PRRG3: variants seen among roughly 807,000 people sequenced by gnomAD.
PRRG3 encodes the protein proline rich and Gla domain 3.
Under a neutral mutation model 15.8 loss-of-function variants are expected in PRRG3, and 21 were observed. The observed-to-expected ratio is 1.33, with a 90% CI of 0.94 to 1.92. The LOEUF is 1.92. Ranked by LOEUF, PRRG3 falls within the 40% of genes most tolerant of loss-of-function variation. The probability of loss-of-function intolerance (pLI) is 0.00; values close to 1 mark genes in which losing one functional copy is unlikely to be tolerated. For synonymous variants in PRRG3, 125 were observed against 84.1 expected, an observed-to-expected ratio of 1.49 and a Z score of -2.66; for missense variants, 251 against 200.2, an observed-to-expected ratio of 1.25 and a Z score of -1.53.
At chrX:151,697,123 CCTCCCTCT>C (rs2014778961) in intron 1 of PRRG3, among the ~76,000 whole-genome samples, 1 of 73,837 alleles carries the variant, frequency 1.4e-5, no homozygotes, top group Non-Finnish European at 3.0e-5. Context: ...TTCCTCCCTC[CCTCCCTCT>C]CTCCCTCCCT....
Position 151,704,000 on chromosome X carries a change from A to C in PRRG3, c.*2967A>C, listed in dbSNP as rs780682924. ...GACTTTGGGTATCGCGGGACTAGTT[A>C]ATTAGATGTTTTTCATTTTTCAAAA... On this transcript the variant is annotated 3_prime_UTR_variant, in exon 4 of 4. Transcript: ENST00000674457. The C allele has an allele frequency of 1.0e-5, 1 of 95,894 alleles. No homozygotes were observed. The highest frequency in any genetic ancestry group is 3.8e-5 in the African/African-American group (1 of 26,366). 7.9% of individuals were successfully genotyped at this position (95,894 alleles called of 1,213,427 possible).
Position 151,701,029 on chromosome X carries a change from A to G in PRRG3, c.692A>G (p.Lys231Arg), listed in dbSNP as rs780343980. ...GTGGCCGCCAACCCTGGCGCTGACAAGTAGTGGGACGTTTGTGCCCTGTCC... is the reference window on the plus strand; with the variant it reads ...GTGGCCGCCAACCCTGGCGCTGACAGGTAGTGGGACGTTTGTGCCCTGTCC... Reference protein sequence around the residue: ...EIVAANPGADK With the variant: ...EIVAANPGADR The change falls in exon 4 of 4, where the codon AAG becomes AGG. Residue 231 changes from lysine to arginine, a missense_variant. Transcript: ENST00000674457. The G allele has an allele frequency of 8.8e-6, 10 of 1,141,497 alleles. No individual in the cohort carries two copies. Among genetic ancestry groups the G allele is most frequent in the Non-Finnish European group, 1.0e-5 (9 of 860,538 alleles). 94.1% of individuals were successfully genotyped at this position (1,141,497 alleles called of 1,213,427 possible).
rs907512626 is a variant in PRRG3 at position 151,698,705 on chromosome X, G to A, written c.-31-79G>A. The stretch of plus-strand genomic sequence containing the variant: ...TTTTGACCACGCCAGTGGGAGGGGG[G>A]CACATCCCAGAGCCAAGAGTGTGCC... On this transcript the variant is annotated intron_variant, in intron 1 of 3. Coordinates refer to ENST00000674457, the MANE Select transcript of PRRG3 (RefSeq NM_001372163.1). 1.2e-5 allele frequency: 9 copies of A among 778,131 alleles called. No homozygotes were observed. The African/African-American group carries it at 1.2e-4, about 11-fold the overall frequency. 64.1% of individuals were successfully genotyped at this position (778,131 alleles called of 1,213,427 possible).
rs984313969 is a variant in PRRG3 at position 151,703,539 on chromosome X, G to C, written c.*2506G>C. The C allele has an allele frequency of 1.9e-5, 2 of 108,001 alleles. No individual in the cohort carries two copies. Among genetic ancestry groups the C allele is most frequent in the African/African-American group, 6.8e-5 (2 of 29,555 alleles). The allele number at this position is 108,001 out of a possible 1,213,427, so 8.9% of individuals were successfully genotyped here. On this transcript the variant is annotated 3_prime_UTR_variant, in exon 4 of 4. Coordinates refer to ENST00000674457, the MANE Select transcript of PRRG3 (RefSeq NM_001372163.1). ...TCATTGCTTATCTGAAACAATAGCC[G>C]GTGTGCAGCTATATTTGTACCAGGA...
rs1472616293 is a variant in PRRG3 at position 151,702,013 on chromosome X, G to C, written c.*980G>C. 8.9e-6 allele frequency: 1 copy of C among 112,211 alleles called. No individual in the cohort carries two copies. Among genetic ancestry groups the C allele is most frequent in the Non-Finnish European group, 1.9e-5 (1 of 53,262 alleles). The allele number at this position is 112,211 out of a possible 1,213,427, so 9.2% of individuals were successfully genotyped here. On this transcript the variant is annotated 3_prime_UTR_variant, in exon 4 of 4. Coordinates refer to ENST00000674457, the MANE Select transcript of PRRG3 (RefSeq NM_001372163.1). ...GCCTGGGGTTGAAGGCCCATATGGG[G>C]TTTGCTCTGCTGTTGCCAGGTGCCA...
upstream of PRRG3, among the ~76,000 whole-genome samples, chrX:151,694,871 C>T (rs2014728266): frequency 9.0e-6 from 1 of 111,570 alleles, no homozygotes; most frequent in Non-Finnish European, 1.9e-5. Context: ...CCTTGGGTCA[C>T]GACTGGACCA....
Position 151,700,697 on chromosome X carries a change from C to G in PRRG3, c.360C>G (p.Tyr120Ter). 8.3e-7 allele frequency: 1 copy of G among 1,210,493 alleles called. No homozygotes were observed. The highest frequency in any genetic ancestry group is 1.1e-6 in the Non-Finnish European group (1 of 894,852). ...ACCCCTCCTATGCTCAGAACCGGTA[C>G]CTAGCCAGTCGCGCCGGGCACACCC... Reference protein sequence around the residue: ...RHHPSYAQNRYLASRAGHTLP... With the variant: ...RHHPSYAQNR Residue 120 changes from tyrosine to a stop codon, truncating the protein, a stop_gained, in exon 4 of 4, where the codon TAC becomes TAG. Transcript: ENST00000674457. LOFTEE classifies it high-confidence loss of function.
rs766107857 is a variant in PRRG3 at position 151,700,239 on chromosome X, C to G, written c.168+83C>G. The G allele has an allele frequency of 1.5e-4, 179 of 1,201,307 alleles. 2 individuals carry two copies. In the South Asian group the frequency reaches 3.0e-3, roughly 20 times the overall value. Reference sequence around the variant, plus strand: ...ACAGGCCCTGGTAATGCAGACCAATCAGAAGCAAGGAAAGACACCCAGCCT... The same window carrying G: ...ACAGGCCCTGGTAATGCAGACCAATGAGAAGCAAGGAAAGACACCCAGCCT... On this transcript the variant is annotated intron_variant, in intron 3 of 3. Coordinates refer to ENST00000674457, the MANE Select transcript of PRRG3 (RefSeq NM_001372163.1).
rs1167603157 is a variant in PRRG3, at chrX:151,703,045, G to A, written c.*2012G>A. ...GAGCTCCACTGATCAGAGCCAAAGG[G>A]AGTTTGCCAAGAAATGCCCGCTGCC... On this transcript the variant is annotated 3_prime_UTR_variant, in exon 4 of 4. Coordinates refer to ENST00000674457, the MANE Select transcript of PRRG3 (RefSeq NM_001372163.1). 8.9e-6 allele frequency: 1 copy of A among 112,777 alleles called. No homozygotes were observed. The highest frequency in any genetic ancestry group is 1.9e-5 in the Non-Finnish European group (1 of 53,343). 9.3% of individuals were successfully genotyped at this position (112,777 alleles called of 1,213,427 possible).
At chrX:151,696,987 TTCTC>T (rs956506706) in intron 1 of PRRG3, among the ~76,000 whole-genome samples, 4 of 109,392 alleles carry the variant, frequency 3.7e-5, no homozygotes, top group African/African-American at 1.4e-4. Context: ...TTTTCTCTCT[TTCTC>T]TCTTTCTTTC....
In PRRG3 at chrX:151,703,915, TG is replaced by T. The variant is rs1250835452; in HGVS notation, c.*2883del. The T allele has an allele frequency of 5.0e-5, 1 of 20,013 alleles. No homozygotes were observed. The highest frequency in any genetic ancestry group is 2.4e-4 in the African/African-American group (1 of 4,171). 1.6% of individuals were successfully genotyped at this position (20,013 alleles called of 1,213,427 possible). On this transcript the variant is annotated 3_prime_UTR_variant, in exon 4 of 4. Coordinates refer to ENST00000674457, the MANE Select transcript of PRRG3 (RefSeq NM_001372163.1). ...TTTTTTTTTTTTTTTTTTTTTTTTG[TG>T]TGTGTGTGTGTGTGTGTGTGTGTGT... is the stretch of plus-strand genomic sequence containing the variant.
Position 151,701,188 on chromosome X carries a change from G to A in PRRG3, c.*155G>A. ...TGGAGTTTTAGGAAGTCAGTTGTCA[G>A]AGACAGGTGGGGAGGGTGGGGGTAG... On this transcript the variant is annotated 3_prime_UTR_variant, in exon 4 of 4. Coordinates refer to ENST00000674457, the MANE Select transcript of PRRG3 (RefSeq NM_001372163.1). 1 of 508,383 alleles carries A rather than the reference G, an allele frequency of 2.0e-6. No individual in the cohort carries two copies. The highest frequency in any genetic ancestry group is 2.9e-6 in the Non-Finnish European group (1 of 349,665). 41.9% of individuals were successfully genotyped at this position (508,383 alleles called of 1,213,427 possible).
At chrX:151,695,160 G>A (rs1195354189), upstream of PRRG3, 1 of 112,015 alleles carries the variant, frequency 8.9e-6, no homozygotes, top group Non-Finnish European at 1.9e-5. Flanking sequence ...TCGGGGCACT[G>A]CGGTCGTGGC....
chrX:151,700,506 A>G lies in PRRG3; in HGVS notation c.169A>G (p.Met57Val), dbSNP rs1330863823. 1 of 1,172,875 alleles carries G rather than the reference A, an allele frequency of 8.5e-7. No individual in the cohort carries two copies. The highest frequency in any genetic ancestry group is 2.4e-4 in the Middle Eastern group (1 of 4,188). ...TTAAGTACCACTTTTTCTTTTGCAG[A>G]TGGAGTTCTGGAAAGGGTACCCAAA... is the stretch of plus-strand genomic sequence containing the variant. ...KEVFENKEKTMEFWKGYPNAV... is the reference protein window; with the variant it reads ...KEVFENKEKTVEFWKGYPNAV... The change falls in exon 4 of 4, where the codon ATG becomes GTG. Residue 57 changes from methionine to valine, a missense_variant and splice_region_variant. Coordinates refer to ENST00000674457, the MANE Select transcript of PRRG3 (RefSeq NM_001372163.1).
intron 1 of PRRG3, among the ~76,000 whole-genome samples, 151 bp downstream of exon 1, chrX:151,695,695 G>C (rs2014747831): frequency 9.0e-6 from 1 of 111,285 alleles, no homozygotes; most frequent in Non-Finnish European, 1.9e-5. Flanking sequence ...TCCGGGAGAA[G>C]AGTGTTGCTG....
Position 151,700,838 on chromosome X carries a change from C to A in PRRG3, c.501C>A (p.Thr167=). 8.3e-7 allele frequency: 1 copy of A among 1,197,848 alleles called. No homozygotes were observed. Among genetic ancestry groups the A allele is most frequent in the Non-Finnish European group, 1.1e-6 (1 of 886,820 alleles). ...VVLGPSRGGR[T]TVRLESTLYL... is the part of the protein sequence containing the mutation. ...TGGGGCCCAGTCGGGGGGGCAGGAC[C>A]ACAGTCCGGCTAGAGAGCACCCTCT... Residue 167 remains threonine, a synonymous_variant, in exon 4 of 4, where the codon ACC becomes ACA. Transcript: ENST00000674457.
At position 151,700,927 on chromosome X, in the gene PRRG3, T is replaced by C. The variant is rs1362747431; in HGVS notation, c.590T>C (p.Val197Ala). 4.1e-6 allele frequency: 5 copies of C among 1,207,688 alleles called. No individual in the cohort carries two copies. In the African/African-American group the frequency reaches 8.8e-5, roughly 21 times the overall value. ...STTPPPSYEE[V>A]TAPQESSSEE... Reference sequence around the variant, plus strand: ...ACCCCTCCCCCCTCCTACGAGGAGGTGACTGCGCCCCAAGAGAGCAGCAGT... The same window carrying C: ...ACCCCTCCCCCCTCCTACGAGGAGGCGACTGCGCCCCAAGAGAGCAGCAGT... The change falls in exon 4 of 4, where the codon GTG becomes GCG. Residue 197 changes from valine (V) to alanine (A), a missense_variant. Physicochemically the swap from Val to Ala is moderately conservative, Grantham distance 64. Coordinates refer to ENST00000674457, the MANE Select transcript of PRRG3 (RefSeq NM_001372163.1).
Position 151,700,453 on chromosome X carries a change from C to G in PRRG3, c.169-53C>G, listed in dbSNP as rs1359237392. The G allele has an allele frequency of 3.5e-6, 4 of 1,137,407 alleles. No individual in the cohort carries two copies. In the African/African-American group the frequency reaches 5.5e-5, roughly 16 times the overall value. The allele number at this position is 1,137,407 out of a possible 1,213,427, so 93.7% of individuals were successfully genotyped here. ...GAAGCACCAGAGTTACTGAAGGCCTCTGAGCCCACCTGGAGCTTGAGCTTC... is the reference window on the plus strand; with the variant it reads ...GAAGCACCAGAGTTACTGAAGGCCTGTGAGCCCACCTGGAGCTTGAGCTTC... On this transcript the variant is annotated intron_variant, in intron 3 of 3. Transcript: ENST00000674457.
rs192488485 is a variant in PRRG3 at position 151,702,855 on chromosome X, G to T, written c.*1822G>T. ...CATCACAAAGGGGTTTTTGGCTTAAGAGGCCCCTGCTTTTTCCATGTTGGG... is the reference window on the plus strand; with the variant it reads ...CATCACAAAGGGGTTTTTGGCTTAATAGGCCCCTGCTTTTTCCATGTTGGG... On this transcript the variant is annotated 3_prime_UTR_variant, in exon 4 of 4. Transcript: ENST00000674457. 8.9e-6 allele frequency: 1 copy of T among 112,517 alleles called. No homozygotes were observed. Among genetic ancestry groups the T allele is most frequent in the East Asian group, 2.8e-4 (1 of 3,545 alleles). 9.3% of individuals were successfully genotyped at this position (112,517 alleles called of 1,213,427 possible). A position where few individuals can be genotyped will look rare whatever the true frequency, so the allele number is the denominator to read the frequency against.
Sources: allele counts gnomAD v4.1 joint callset (sites outside exome capture counted in the v4.1 genomes callset), GRCh38; gene constraint gnomAD v4.1.1; transcripts MANE v1.5; gene names NCBI Gene and HGNC (gene_info 2026-07-23, HGNC 2026-07-21).